The following SPAG16 variants were observed in gnomAD, a reference collection of about 807,000 sequenced individuals.
The protein encoded by SPAG16 is sperm-associated antigen 16 protein.
Under a neutral mutation model 80.4 loss-of-function variants are expected in SPAG16, and 86 were observed. The ratio of observed to expected loss-of-function variants is 1.07; its 90% CI spans 0.90 to 1.28. The LOEUF is 1.28. Among genes scored for constraint, SPAG16 ranks in the 50% most tolerant of loss-of-function variants. The probability of loss-of-function intolerance (pLI) is 0.00; values close to 1 mark genes in which losing one functional copy is unlikely to be tolerated. For missense variants in SPAG16, 870 were observed against 765.3 expected (o/e 1.14, Z -1.61); for synonymous variants, 294 against 265.9 (o/e 1.11, Z -1.03).
intron 15 of SPAG16, among the ~76,000 whole-genome samples, chr2:214,358,487 T>C (rs1698964230): frequency 6.6e-6 from 1 of 151,962 alleles, no homozygotes. Context: ...CTGTACATTA[T>C]TGTTATATGT....
chr2:214,348,348 G>GCCT (rs1462484845), intron 15 of SPAG16, among the ~76,000 whole-genome samples: 1 of 152,128 alleles, frequency 6.6e-6, no homozygotes, highest in East Asian at 1.9e-4. Context: ...ACCAGAGGTT[G>GCCT]GGCTCTGACA....
intron 15 of SPAG16, among the ~76,000 whole-genome samples, chr2:214,268,760 T>G (rs1198073043): frequency 6.6e-6 from 1 of 151,610 alleles, no homozygotes; most frequent in Non-Finnish European, 1.5e-5. Flanking sequence ...TGTGTGTGTG[T>G]GGGTGTGTAT....
intron 10 of SPAG16, among the ~76,000 whole-genome samples, chr2:213,640,252 A>G (rs2062534554): frequency 6.6e-6 from 1 of 152,068 alleles, no homozygotes; most frequent in Admixed American, 6.5e-5. Flanking sequence ...GACAATTCAG[A>G]TATTTCTTCT....
chr2:213,813,690 G>C (rs892504663), intron 10 of SPAG16, among the ~76,000 whole-genome samples: 3 of 152,154 alleles, frequency 2.0e-5, no homozygotes, highest in Admixed American at 2.0e-4. Context: ...GAGGCGGTCT[G>C]CTGCTACTGG....
intron 14 of SPAG16, among the ~76,000 whole-genome samples, chr2:214,131,818 A>G (rs945257166): frequency 1.2e-4 from 18 of 152,166 alleles, no homozygotes; most frequent in African/African-American, 4.1e-4. Context: ...GGAGGGATGA[A>G]TAGACAGGGC....
chr2:213,820,855 T>C (rs1046751547), intron 10 of SPAG16, among the ~76,000 whole-genome samples: 4 of 152,148 alleles, frequency 2.6e-5, no homozygotes, highest in Non-Finnish European at 5.9e-5. Flanking sequence ...TGTTTACTTA[T>C]ATGTATAATG....
chr2:213,930,365 T>A (rs985429350), intron 12 of SPAG16, among the ~76,000 whole-genome samples: 2 of 152,210 alleles, frequency 1.3e-5, no homozygotes, highest in Admixed American at 6.5e-5. Flanking sequence ...TAAATGTAAG[T>A]ATCAAGATCA....
intron 9 of SPAG16, among the ~76,000 whole-genome samples, chr2:213,441,897 A>G (rs1014544702): frequency 1.7e-4 from 26 of 152,218 alleles, no homozygotes; most frequent in Admixed American, 3.9e-4. Flanking sequence ...CTGTAATCCC[A>G]GCACTTTGGG....
At chr2:214,299,714 G>C (rs1694414427) in intron 15 of SPAG16, among the ~76,000 whole-genome samples, 1 of 152,050 alleles carries the variant, frequency 6.6e-6, no homozygotes, top group Admixed American at 6.6e-5. Flanking sequence ...CTTTTAAGTT[G>C]GCTTTGCTGA....
At chr2:214,356,317 G>C (rs921398953) in intron 15 of SPAG16, among the ~76,000 whole-genome samples, 1 of 151,812 alleles carries the variant, frequency 6.6e-6, no homozygotes, top group African/African-American at 2.4e-5. Context: ...AGAAATTGTG[G>C]GGAAAAAATG....
At position 213,689,791 on chromosome 2, in the gene SPAG16, A is replaced by G. The variant is rs751081621; in HGVS notation, c.1071-172694A>G. On this transcript the variant is annotated intron_variant, in intron 10 of 15. Coordinates refer to ENST00000331683, the MANE Select transcript of SPAG16 (RefSeq NM_024532.5). ...GGAGAATTGTTTACAGATGTCTGGA[A>G]TTTTCTCTCTGCTGCCCTCTTTTCT... is the stretch of plus-strand genomic sequence containing the variant. Among the ~76,000 whole-genome samples the G allele has an allele frequency of 8.4e-4, 128 of 152,042 alleles. 1 individual carries two copies. Among genetic ancestry groups the G allele is most frequent in the Non-Finnish European group, 4.3e-4 (29 of 67,966 alleles).
At chr2:214,388,750 G>T (rs1019018479) in intron 15 of SPAG16, among the ~76,000 whole-genome samples, 2 of 152,114 alleles carry the variant, frequency 1.3e-5, no homozygotes, top group Admixed American at 6.5e-5. Flanking sequence ...TTCCAAAAAA[G>T]GAATTTTTTG....
intron 15 of SPAG16, chr2:214,280,979 G>A (rs1333325947): frequency 1.6e-5 from 7 of 447,670 alleles, no homozygotes; most frequent in South Asian, 3.8e-5. Context: ...AATCATAACC[G>A]GGAATCGTTT....
At chr2:214,299,140 T>C (rs1248360538) in intron 15 of SPAG16, among the ~76,000 whole-genome samples, 1 of 151,714 alleles carries the variant, frequency 6.6e-6, no homozygotes, top group Non-Finnish European at 1.5e-5. Context: ...AGAAATGTTA[T>C]AGTCAGGAAT....
chr2:213,623,497 C>T (rs1456639268), intron 10 of SPAG16, among the ~76,000 whole-genome samples: 2 of 151,950 alleles, frequency 1.3e-5, no homozygotes, highest in Non-Finnish European at 2.9e-5. Flanking sequence ...TATGAAGTAC[C>T]ATTTTATATC....
intron 15 of SPAG16, among the ~76,000 whole-genome samples, chr2:214,169,010 G>A (rs940290314): frequency 7.9e-5 from 12 of 152,058 alleles, no homozygotes; most frequent in African/African-American, 2.9e-4. Context: ...CCAAAACTAA[G>A]TCATTATGAT....
chr2:213,862,264 C>T (rs150289781), intron 10 of SPAG16, among the ~76,000 whole-genome samples: 3 of 152,154 alleles, frequency 2.0e-5, no homozygotes, highest in Admixed American at 6.5e-5. Context: ...ATGAGGAATC[C>T]GAGATCCAGT....
intron 15 of SPAG16, among the ~76,000 whole-genome samples, chr2:214,261,997 T>A (rs1359870843): frequency 2.6e-5 from 4 of 152,186 alleles, no homozygotes; most frequent in Non-Finnish European, 5.9e-5. Context: ...GGAATTCTCA[T>A]ACAGTTTTAT....
intron 12 of SPAG16, among the ~76,000 whole-genome samples, chr2:213,984,777 G>A (rs2045925222): frequency 6.6e-6 from 1 of 151,962 alleles, no homozygotes; most frequent in Non-Finnish European, 1.5e-5. Flanking sequence ...TGCCATCACT[G>A]TCCCCATCCC....
Sources: gnomAD v4.1 joint callset for allele counts (sites outside exome capture counted in the v4.1 genomes callset) on GRCh38, gnomAD v4.1.1 for gene constraint, MANE v1.5 for transcripts, NCBI Gene and HGNC (gene_info 2026-07-23, HGNC 2026-07-21) for gene names.